The following MYO9A variants were observed in gnomAD, a reference collection of about 807,000 sequenced individuals.
MYO9A encodes unconventional myosin-IXa.
Under a neutral mutation model 293.3 loss-of-function variants are expected in MYO9A, and 103 were observed. The observed-to-expected ratio is 0.35, with a 90% CI of 0.30 to 0.41. MYO9A has a LOEUF of 0.41. Among genes scored for constraint, MYO9A ranks in the 10% least tolerant of loss-of-function variants. MYO9A has a pLI of 1.00. For missense variants in MYO9A, 2,685 were observed against 3,033.0 expected (o/e 0.89, Z 2.69); for synonymous variants, 1,001 against 1,035.7 (o/e 0.97, Z 0.64).
chr15:71,862,833 A>C (rs1210821641), intron 32 of MYO9A, among the ~76,000 whole-genome samples: 5 of 152,174 alleles, frequency 3.3e-5, no homozygotes, highest in Non-Finnish European at 7.4e-5. Context: ...AAAAACAGAA[A>C]GCAATGCAAC....
intron 32 of MYO9A, among the ~76,000 whole-genome samples, chr15:71,864,877 T>C (rs1338531645): frequency 6.6e-6 from 1 of 151,980 alleles, no homozygotes; most frequent in Non-Finnish European, 1.5e-5. Flanking sequence ...TAAAATTGGA[T>C]TGAGATGATG....
In MYO9A at chr15:71,828,494, A is replaced by C. The variant is rs186304042; in HGVS notation, c.7041-468T>G. Among the ~76,000 whole-genome samples the C allele has an allele frequency of 2.0e-5, 3 of 152,262 alleles. No homozygotes were observed. The East Asian group carries it at 5.8e-4, about 29-fold the overall frequency. On this transcript the variant is annotated intron_variant, in intron 40 of 41. Coordinates refer to ENST00000356056, the MANE Select transcript of MYO9A (RefSeq NM_006901.4). ...CATGAAGCTTACTAACTGGCTATAG[A>C]CGATACCCTCTATCTTCACCACAGA...
Position 71,880,708 on chromosome 15 carries a change from G to A in MYO9A, c.5399-150C>T, listed in dbSNP as rs145632635. 1.0e-5 allele frequency: 7 copies of A among 686,976 alleles called. No homozygotes were observed. The East Asian group carries it at 1.9e-4, about 19-fold the overall frequency. 42.6% of individuals were successfully genotyped at this position (686,976 alleles called of 1,614,324 possible). ...AAGTAACATTAATGTTTGAGGTTAG[G>A]CAGCTAAGCAATAAATCCAGACAGC... On this transcript the variant is annotated intron_variant, in intron 28 of 41. Transcript: ENST00000356056.
chr15:71,921,122 G>C (rs1340953581), intron 18 of MYO9A, among the ~76,000 whole-genome samples: 3 of 152,176 alleles, frequency 2.0e-5, no homozygotes, highest in Non-Finnish European at 4.4e-5. Flanking sequence ...GGTCATGTTA[G>C]AAAAGTAGAT....
chr15:71,941,119 TCACTCC>T (rs1273322400), intron 15 of MYO9A, among the ~76,000 whole-genome samples: 2 of 152,126 alleles, frequency 1.3e-5, no homozygotes, highest in Non-Finnish European at 2.9e-5. Context: ...CCTGTGTAGC[TCACTCC>T]CTGATCCCAT....
intron 1 of MYO9A, chr15:72,114,372 T>TA (rs1353177436): frequency 2.6e-5 from 4 of 152,122 alleles, no homozygotes; most frequent in Non-Finnish European, 5.9e-5. Flanking sequence ...TATTTTCAGT[T>TA]AAAATAAGAT....
intron 19 of MYO9A, among the ~76,000 whole-genome samples, chr15:71,906,758 C>CTTTTTTTTTTTTTTCTTTT (rs2057659301): frequency 1.6e-5 from 1 of 61,012 alleles, no homozygotes; most frequent in African/African-American, 6.4e-5. Context: ...CCATTTCTTT[C>CTTTTTTTTTTTTTTCTTTT]TTTTTTTTTT....
At chr15:71,886,194 T>TAAAAAA (rs34921688) in intron 27 of MYO9A, among the ~76,000 whole-genome samples, 1 of 127,208 alleles carries the variant, frequency 7.9e-6, no homozygotes, top group Non-Finnish European at 1.6e-5. Flanking sequence ...TAAAGTAGGG[T>TAAAAAA]AAAAAAAAAA....
At chr15:71,981,124 T>C (rs926867289) in intron 11 of MYO9A, among the ~76,000 whole-genome samples, 2 of 152,168 alleles carry the variant, frequency 1.3e-5, no homozygotes, top group Non-Finnish European at 2.9e-5. Context: ...AAGCACATGC[T>C]GAAAAAAAAA....
rs111905407 is a variant in MYO9A, at chr15:72,021,116, C to G, written c.999-99G>C. On this transcript the variant is annotated intron_variant, in intron 4 of 41. Coordinates refer to ENST00000356056, the MANE Select transcript of MYO9A (RefSeq NM_006901.4). ...GCAAACAGTAATTAGTAAAATGTATCAGCTTTGCTTCATTTTTTAATATAA... is the reference window on the plus strand; with the variant it reads ...GCAAACAGTAATTAGTAAAATGTATGAGCTTTGCTTCATTTTTTAATATAA... 177 of 683,174 alleles carry G rather than the reference C, an allele frequency of 2.6e-4. No individual in the cohort carries two copies. The African/African-American group carries it at 3.0e-3, about 12-fold the overall frequency. The allele number at this position is 683,174 out of a possible 1,614,324, so 42.3% of individuals were successfully genotyped here.
At chr15:71,979,666 T>C (rs1159571615) in intron 11 of MYO9A, among the ~76,000 whole-genome samples, 1 of 152,256 alleles carries the variant, frequency 6.6e-6, no homozygotes, top group Non-Finnish European at 1.5e-5. Flanking sequence ...ATATTGTCTA[T>C]GGCTACTTTG....
At chr15:71,925,534 CTCTT>C (rs1363468523) in intron 18 of MYO9A, among the ~76,000 whole-genome samples, 2 of 151,754 alleles carry the variant, frequency 1.3e-5, no homozygotes, top group African/African-American at 4.8e-5. Context: ...TAATTCTTTT[CTCTT>C]TCTTATTTAT....
chr15:71,972,063 A>C (rs1422153902), intron 12 of MYO9A: 1 of 152,254 alleles, frequency 6.6e-6, no homozygotes, highest in Non-Finnish European at 1.5e-5. Context: ...CTGCACAAGA[A>C]GCCAGGAAGA....
In MYO9A at chr15:71,994,556, C is replaced by T. The variant is rs1328285277; in HGVS notation, c.1500G>A (p.Lys500=). ...AGTCAAACAGGGCACTATACAGAGA[C>T]TTAGCCATGGAGTTCCTCACTGTCA... is the stretch of plus-strand genomic sequence containing the variant. ...EAVTVRNSMA[K]SLYSALFDWI... is the part of the protein sequence containing the mutation. The change falls in exon 10 of 42, where the codon AAG becomes AAA. Residue 500 remains lysine (K), a synonymous_variant. Transcript: ENST00000356056. 3.1e-6 allele frequency: 5 copies of T among 1,607,442 alleles called. No homozygotes were observed. In the African/African-American group the frequency reaches 5.4e-5, roughly 17 times the overall value.
At chr15:71,861,258 G>C (rs1280552961) in intron 33 of MYO9A, among the ~76,000 whole-genome samples, 2 of 150,850 alleles carry the variant, frequency 1.3e-5, no homozygotes, top group Non-Finnish European at 3.0e-5. Flanking sequence ...ATTGGTTCCA[G>C]TCCTTTCCTA....
rs541794758 is a variant in MYO9A at position 71,959,934 on chromosome 15, C to T, written c.2149G>A (p.Glu717Lys). 1 of 1,613,658 alleles carries T rather than the reference C, an allele frequency of 6.2e-7. No homozygotes were observed. Among genetic ancestry groups the T allele is most frequent in the African/African-American group, 1.3e-5 (1 of 74,972 alleles). The change falls in exon 14 of 42, where the codon GAA becomes AAA. Residue 717 changes from glutamate (E) to lysine (K), a missense_variant. By Grantham distance (56) the Glu-to-Lys change is moderately conservative (BLOSUM62 1). Transcript: ENST00000356056. ...CTGTGAATGTTTCTTTTCCCAGCTT[C>T]CCTGAAAGCAACCATGGCTCTGAAA... ...AFFRAMVAFR[E>K]AGKRNIHRKT...
chr15:72,089,650 A>G (rs1235028779), intron 1 of MYO9A, among the ~76,000 whole-genome samples: 1 of 152,154 alleles, frequency 6.6e-6, no homozygotes, highest in South Asian at 2.1e-4. Flanking sequence ...GTGTGGTGAC[A>G]TACTGCTGTG....
intron 1 of MYO9A, among the ~76,000 whole-genome samples, chr15:72,084,090 G>A (rs1231632118): frequency 2.0e-5 from 3 of 152,130 alleles, no homozygotes; most frequent in Non-Finnish European, 4.4e-5. Context: ...TGTCAGTGGG[G>A]TGTTAAGCTC....
chr15:71,939,970 C>T lies in MYO9A; in HGVS notation c.2303-1043G>A, dbSNP rs116593589. Among the ~76,000 whole-genome samples the T allele has an allele frequency of 9.9e-3, 1,507 of 152,266 alleles. 25 individuals are homozygous for T. The highest frequency in any genetic ancestry group is 0.034 in the African/African-American group (1,420 of 41,544). On this transcript the variant is annotated intron_variant, in intron 15 of 41. Transcript: ENST00000356056. The stretch of plus-strand genomic sequence containing the variant: ...TGGTGGCCAGGTGTAGTCACAGATG[C>T]CTGTAATCCCAGCACTTTGGGAGGC...
Sources: allele counts gnomAD v4.1 joint callset (sites outside exome capture counted in the v4.1 genomes callset), GRCh38; gene constraint gnomAD v4.1.1; transcripts MANE v1.5; gene names NCBI Gene and HGNC (gene_info 2026-07-23, HGNC 2026-07-21).